The following PDILT variants were observed in gnomAD, a reference collection of about 807,000 sequenced individuals.
PDILT encodes the protein protein disulfide-isomerase-like protein of the testis.
PDILT carries 43 observed loss-of-function variants against 53.7 expected under a neutral mutation model. The observed-to-expected ratio is 0.80, with a 90% CI of 0.63 to 1.03. The LOEUF is 1.03. Ranked by LOEUF, PDILT falls within the 50% of genes least tolerant of loss-of-function variation. The probability of loss-of-function intolerance (pLI) is 0.00; values close to 1 mark genes in which losing one functional copy is unlikely to be tolerated. For missense variants in PDILT, 727 were observed against 712.3 expected (o/e 1.02, Z -0.24); for synonymous variants, 282 against 274.2 (o/e 1.03, Z -0.28).
chr16:20,360,245 C>T (rs1596574900), intron 11 of PDILT, among the ~76,000 whole-genome samples: 1 of 152,330 alleles, frequency 6.6e-6, no homozygotes, highest in African/African-American at 2.4e-5. Context: ...TGGTCCTATG[C>T]ATCAGGAGAG....
chr16:20,399,302 G>C lies in PDILT; in HGVS notation c.-2C>G, dbSNP rs1966701444. On this transcript the variant is annotated 5_prime_UTR_variant, in exon 2 of 12. Coordinates refer to ENST00000302451, the MANE Select transcript of PDILT (RefSeq NM_174924.2). Reference sequence around the variant, plus strand: ...CAGGGGCATCCAGAGTAGGTCCATGGCTGTCCTGCAGGGGCCGGAGAAGGA... The same window carrying C: ...CAGGGGCATCCAGAGTAGGTCCATGCCTGTCCTGCAGGGGCCGGAGAAGGA... 8.7e-6 allele frequency: 14 copies of C among 1,613,742 alleles called. No homozygotes were observed. The highest frequency in any genetic ancestry group is 1.1e-5 in the Non-Finnish European group (13 of 1,179,864).
chr16:20,367,075 CTTTCTTTCTTTCTTTCT>C (rs1226156903), intron 8 of PDILT, among the ~76,000 whole-genome samples: 3 of 121,674 alleles, frequency 2.5e-5, no homozygotes, highest in African/African-American at 6.5e-5. Flanking sequence ...TTCTTTCTTT[CTTTCTTTCTTTCTTTCT>C]TTCTTTCTTT....
intron 1 of PDILT, among the ~76,000 whole-genome samples, chr16:20,403,320 G>A (rs573082921): frequency 4.6e-5 from 7 of 152,212 alleles, no homozygotes; most frequent in East Asian, 1.9e-4. Flanking sequence ...ACAGAGTTTT[G>A]CTCTTGTTGC....
chr16:20,366,936 TTTCCTTCCTTCC>T (rs554919222), intron 8 of PDILT, among the ~76,000 whole-genome samples: 565 of 35,732 alleles, frequency 0.016, 22 homozygotes, highest in Middle Eastern at 0.042. Context: ...AACCAAATTC[TTTCCTTCCTTCC>T]TTCCTTCCTT....
intron 3 of PDILT, among the ~76,000 whole-genome samples, chr16:20,379,744 A>C (rs982965077): frequency 6.6e-6 from 1 of 152,226 alleles, no homozygotes. Context: ...GATATAGTTA[A>C]GGTCATGTTA....
At chr16:20,378,566 G>C (rs1966418449) in intron 3 of PDILT, among the ~76,000 whole-genome samples, 1 of 152,066 alleles carries the variant, frequency 6.6e-6, no homozygotes, top group South Asian at 2.1e-4. Flanking sequence ...TAGGCTTTAA[G>C]CCCCGCGTGC....
intron 3 of PDILT, among the ~76,000 whole-genome samples, chr16:20,378,583 T>C (rs1482083301): frequency 6.6e-6 from 1 of 152,060 alleles, no homozygotes; most frequent in African/African-American, 2.4e-5. Context: ...GTGCATTAGG[T>C]ATTTGTCCTA....
Position 20,396,183 on chromosome 16 carries a change from T to C in PDILT, c.202+2916A>G, listed in dbSNP as rs557743981. Among the ~76,000 whole-genome samples, 19 of 152,294 alleles carry C rather than the reference T, an allele frequency of 1.2e-4. No individual in the cohort carries two copies. The East Asian group carries it at 3.7e-3, about 29-fold the overall frequency. ...TCTCAGTTAATCCCTATAATGACTA[T>C]ACCACTTTCAATATTCTCGCTTTAC... On this transcript the variant is annotated intron_variant, in intron 2 of 11. Coordinates refer to ENST00000302451, the MANE Select transcript of PDILT (RefSeq NM_174924.2).
At chr16:20,382,204 C>T (rs1262442361) in intron 3 of PDILT, among the ~76,000 whole-genome samples, 1 of 152,138 alleles carries the variant, frequency 6.6e-6, no homozygotes, top group Non-Finnish European at 1.5e-5. Flanking sequence ...GGCTCAAAAA[C>T]TATTTGTTAA....
intron 8 of PDILT, among the ~76,000 whole-genome samples, chr16:20,366,971 CCTTCCTTCCTTCCTTCCTTT>C (rs1567320316): frequency 8.4e-5 from 4 of 47,568 alleles, no homozygotes; most frequent in South Asian, 9.8e-4. Context: ...TTCCTTCCTT[CCTTCCTTCCTTCCTTCCTTT>C]CTTTCTTTCT....
intron 3 of PDILT, among the ~76,000 whole-genome samples, chr16:20,380,683 A>G (rs1295349671): frequency 6.6e-6 from 1 of 152,192 alleles, no homozygotes; most frequent in Non-Finnish European, 1.5e-5. Flanking sequence ...TGAAATTATT[A>G]GAATGATTTT....
intron 8 of PDILT, among the ~76,000 whole-genome samples, chr16:20,367,736 T>A (rs144559926): frequency 1.3e-5 from 2 of 152,144 alleles, no homozygotes; most frequent in African/African-American, 4.8e-5. Flanking sequence ...GAATGGGATA[T>A]GAGGAGAGAG....
intron 2 of PDILT, among the ~76,000 whole-genome samples, chr16:20,386,258 A>C (rs1966536138): frequency 6.6e-6 from 1 of 152,142 alleles, no homozygotes; most frequent in Non-Finnish European, 1.5e-5. Context: ...GGAGGGGACT[A>C]AAAGGCGCCC....
intron 8 of PDILT, among the ~76,000 whole-genome samples, chr16:20,367,051 CTTTCTTTCTTTCTTTCTTTCTTTCT>C (rs1966216072): frequency 2.4e-5 from 2 of 82,386 alleles, no homozygotes; most frequent in African/African-American, 1.1e-4. Context: ...TTCTTTCTTT[CTTTCTTTCTTTCTTTCTTTCTTTCT>C]TTCTTTCTTT....
At chr16:20,388,224 GTAA>G (rs1425691200) in intron 2 of PDILT, among the ~76,000 whole-genome samples, 1 of 152,168 alleles carries the variant, frequency 6.6e-6, no homozygotes, top group East Asian at 1.9e-4. Flanking sequence ...AATGAGAATA[GTAA>G]TAATAACAAC....
chr16:20,388,197 T>C (rs1173297008), intron 2 of PDILT, among the ~76,000 whole-genome samples: 2 of 152,188 alleles, frequency 1.3e-5, no homozygotes, highest in Non-Finnish European at 2.9e-5. Flanking sequence ...GATGATGATA[T>C]TGATGGCGAT....
rs149457252 is a variant in PDILT at position 20,375,594 on chromosome 16, T to C, written c.543+474A>G. ...GCTATTATGAGACGTTTCATGATTGTATCTAAGTTACTTATGTTCTTCCCC... is the reference window on the plus strand; with the variant it reads ...GCTATTATGAGACGTTTCATGATTGCATCTAAGTTACTTATGTTCTTCCCC... On this transcript the variant is annotated intron_variant, in intron 4 of 11. Coordinates refer to ENST00000302451, the MANE Select transcript of PDILT (RefSeq NM_174924.2). 4.2e-4 allele frequency among the ~76,000 whole-genome samples: 64 copies of C among 152,352 alleles called. 1 individual carries two copies. The highest frequency in any genetic ancestry group is 1.5e-3 in the African/African-American group (62 of 41,582).
At chr16:20,382,341 G>A (rs1966472238) in intron 3 of PDILT, among the ~76,000 whole-genome samples, 1 of 152,226 alleles carries the variant, frequency 6.6e-6, no homozygotes, top group Non-Finnish European at 1.5e-5. Context: ...ACTATAGCCT[G>A]TAGTCCAAAT....
chr16:20,390,709 T>C (rs1966597629), intron 2 of PDILT: 1 of 152,222 alleles, frequency 6.6e-6, no homozygotes, highest in South Asian at 2.1e-4. Flanking sequence ...CAATAAATAC[T>C]GAAGGAATGA....
Sources: allele counts gnomAD v4.1 joint callset (sites outside exome capture counted in the v4.1 genomes callset), GRCh38; gene constraint gnomAD v4.1.1; transcripts MANE v1.5; gene names NCBI Gene and HGNC (gene_info 2026-07-23, HGNC 2026-07-21).